CERT1: variants seen among roughly 807,000 people sequenced by gnomAD.
The protein encoded by CERT1 is ceramide transporter 1.
CERT1 carries 31 observed loss-of-function variants against 87.9 expected under a neutral mutation model. That is an observed-to-expected ratio of 0.35 (90% CI 0.27 to 0.48). The LOEUF (loss-of-function observed/expected upper bound fraction) is 0.48. Among genes scored for constraint, CERT1 ranks in the 20% least tolerant of loss-of-function variants. CERT1 has a pLI of 0.99. For synonymous variants in CERT1, 289 were observed against 250.9 expected (o/e 1.15, Z -1.44); for missense variants, 487 against 758.0 (o/e 0.64, Z 4.20).
chr5:75,402,766 T>G (rs191501695), intron 9 of CERT1: 1 of 361,986 alleles, frequency 2.8e-6, no homozygotes, highest in Non-Finnish European at 5.1e-6. Flanking sequence ...CGCCACTGCA[T>G]TCTAGCCTGG....
Position 75,399,640 on chromosome 5 carries a change from C to T in CERT1, c.1111-253G>A, listed in dbSNP as rs547503526. Among the ~76,000 whole-genome samples the T allele has an allele frequency of 6.6e-5, 10 of 152,234 alleles. No individual in the cohort carries two copies. In the South Asian group the frequency reaches 2.1e-3, roughly 32 times the overall value. On this transcript the variant is annotated intron_variant, in intron 10 of 16. Transcript: ENST00000643780. ...CAAAGAAGAGAGAGATTTAGTATAACTGGATATACTTCTGGTTAACTATTT... is the reference window on the plus strand; with the variant it reads ...CAAAGAAGAGAGAGATTTAGTATAATTGGATATACTTCTGGTTAACTATTT...
Position 75,511,105 on chromosome 5 carries a change from T to G in CERT1, c.96+7A>C, listed in dbSNP as rs1767960968. Reference sequence around the variant, plus strand: ...CCAGGGGTCCCTTGGCACCAGGGGTTGCTCACCTTACTGAGGACCCCGCAG... The same window carrying G: ...CCAGGGGTCCCTTGGCACCAGGGGTGGCTCACCTTACTGAGGACCCCGCAG... On this transcript the variant is annotated splice_region_variant and intron_variant, in intron 1 of 16. Transcript: ENST00000643780. 1 of 1,552,294 alleles carries G rather than the reference T, an allele frequency of 6.4e-7. No homozygotes were observed.
intron 2 of CERT1, among the ~76,000 whole-genome samples, chr5:75,484,743 A>G (rs1444181742): frequency 1.3e-5 from 2 of 152,172 alleles, no homozygotes; most frequent in Non-Finnish European, 2.9e-5. Flanking sequence ...AAATATTAAC[A>G]GAACTAAAGA....
chr5:75,507,486 G>A (rs1353677339), intron 1 of CERT1, among the ~76,000 whole-genome samples: 1 of 152,064 alleles, frequency 6.6e-6, no homozygotes, highest in Non-Finnish European at 1.5e-5. Flanking sequence ...ACTCATTCTA[G>A]TGGCTCCCAA....
At chr5:75,453,825 TGAGAGA>T (rs34231077) in intron 3 of CERT1, among the ~76,000 whole-genome samples, 26 of 150,298 alleles carry the variant, frequency 1.7e-4, no homozygotes, top group South Asian at 8.4e-4. Context: ...TGTATGTATG[TGAGAGA>T]GAGAGAGAGA....
intron 9 of CERT1, 176 bp from the exon 10 acceptor site, chr5:75,400,473 T>TA (rs2112082885): frequency 1.9e-6 from 1 of 528,548 alleles, no homozygotes; most frequent in African/African-American, 1.9e-5. Flanking sequence ...TTGCCTCAGA[T>TA]ATCCCAATTT....
At chr5:75,465,425 AT>A (rs1765418636) in intron 2 of CERT1, among the ~76,000 whole-genome samples, 2 of 152,204 alleles carry the variant, frequency 1.3e-5, no homozygotes, top group Non-Finnish European at 2.9e-5. Flanking sequence ...AAATATTAGA[AT>A]TTCTTTACTC....
chr5:75,405,731 A>G lies in CERT1; in HGVS notation c.931-2673T>C, dbSNP rs564884249. On this transcript the variant is annotated intron_variant, in intron 8 of 16. Coordinates refer to ENST00000643780, the MANE Select transcript of CERT1 (RefSeq NM_001379029.1). Reference sequence around the variant, plus strand: ...GACTACATTCATATAACTTTTTACTATAATACAGTACTATAATTGTTCTAT... The same window carrying G: ...GACTACATTCATATAACTTTTTACTGTAATACAGTACTATAATTGTTCTAT... Among the ~76,000 whole-genome samples the G allele has an allele frequency of 8.2e-4, 125 of 152,348 alleles. 1 individual carries two copies. The highest frequency in any genetic ancestry group is 7.5e-4 in the Non-Finnish European group (51 of 68,022).
chr5:75,423,253 A>G (rs1034252304), intron 5 of CERT1, among the ~76,000 whole-genome samples: 2 of 152,234 alleles, frequency 1.3e-5, no homozygotes, highest in Non-Finnish European at 2.9e-5. Flanking sequence ...CCATTAAGAT[A>G]AACAAGGCAT....
At chr5:75,505,860 T>C (rs947671142) in intron 2 of CERT1, 122 bp downstream of exon 2, 15 of 666,256 alleles carry the variant, frequency 2.3e-5, no homozygotes, top group African/African-American at 2.2e-4. Flanking sequence ...TTAGAATGTA[T>C]ATTCTACAAG....
chr5:75,413,346 A>C (rs1260281845), intron 7 of CERT1, among the ~76,000 whole-genome samples: 2 of 152,220 alleles, frequency 1.3e-5, no homozygotes, highest in Admixed American at 1.3e-4. Context: ...ATACCACATC[A>C]GCGTTAAAGA....
At chr5:75,453,385 A>G (rs2112288614) in intron 3 of CERT1, among the ~76,000 whole-genome samples, 1 of 152,340 alleles carries the variant, frequency 6.6e-6, no homozygotes, top group East Asian at 1.9e-4. Context: ...TTAAGAAGTT[A>G]TGGTCTAAAT....
At chr5:75,454,682 T>G (rs528478455) in intron 3 of CERT1, among the ~76,000 whole-genome samples, 2 of 152,176 alleles carry the variant, frequency 1.3e-5, no homozygotes, top group East Asian at 3.8e-4. Context: ...AGACCAATCA[T>G]GGAAGCTGAT....
chr5:75,442,159 T>C (rs1037608000), intron 3 of CERT1, among the ~76,000 whole-genome samples: 2 of 152,230 alleles, frequency 1.3e-5, no homozygotes, highest in African/African-American at 4.8e-5. Context: ...GCAATTTTTA[T>C]AATTGCTCAT....
At chr5:75,461,973 C>T (rs1289269702) in intron 2 of CERT1, among the ~76,000 whole-genome samples, 2 of 152,184 alleles carry the variant, frequency 1.3e-5, no homozygotes, top group Non-Finnish European at 1.5e-5. Context: ...CATTCAGTAA[C>T]AATCAATCCT....
At chr5:75,440,775 TA>T (rs11285492) in intron 3 of CERT1, among the ~76,000 whole-genome samples, 81,729 of 151,336 alleles carry the variant, frequency 0.54, 25,242 homozygotes, top group African/African-American at 0.86. Context: ...CCATCCAAAG[TA>T]AAAAAAAATG....
At chr5:75,492,678 T>C (rs913588157) in intron 2 of CERT1, among the ~76,000 whole-genome samples, 1 of 151,314 alleles carries the variant, frequency 6.6e-6, no homozygotes, top group East Asian at 1.9e-4. Context: ...TTTACATCGA[T>C]TGTTGAGATT....
Position 75,402,958 on chromosome 5 carries a change from A to G in CERT1, c.1017+14T>C. On this transcript the variant is annotated intron_variant, in intron 9 of 16. Coordinates refer to ENST00000643780, the MANE Select transcript of CERT1 (RefSeq NM_001379029.1). ...AAATAAATTTCAGCTTAGAATTTTC[A>G]ATAATAGATATACCTGTTCTTCTAT... The G allele has an allele frequency of 6.5e-7, 1 of 1,528,020 alleles. No homozygotes were observed. The allele number at this position is 1,528,020 out of a possible 1,614,324, so 94.7% of individuals were successfully genotyped here. A position where few individuals can be genotyped will look rare whatever the true frequency, so the allele number is the denominator to read the frequency against.
intron 7 of CERT1, among the ~76,000 whole-genome samples, chr5:75,412,403 A>G (rs1300738254): frequency 1.3e-5 from 2 of 152,068 alleles, no homozygotes; most frequent in Non-Finnish European, 2.9e-5. Context: ...AAAAAACACT[A>G]CTCTGAAGAG....
Sources: gnomAD v4.1 joint callset for allele counts (sites outside exome capture counted in the v4.1 genomes callset) on GRCh38, gnomAD v4.1.1 for gene constraint, MANE v1.5 for transcripts, NCBI Gene and HGNC (gene_info 2026-07-23, HGNC 2026-07-21) for gene names.